The following ZNF486 variants were observed in gnomAD, a reference collection of about 807,000 sequenced individuals.
The protein encoded by ZNF486 is zinc finger protein 486.
A neutral mutation model predicts 12.8 loss-of-function variants in ZNF486; 12 were observed. That is an observed-to-expected ratio of 0.94 (90% CI 0.60 to 1.52). The LOEUF (loss-of-function observed/expected upper bound fraction) is 1.52. Ranked by LOEUF, ZNF486 falls within the 40% of genes most tolerant of loss-of-function variation. The pLI is 0.00. For synonymous variants in ZNF486, 231 were observed against 184.9 expected, an observed-to-expected ratio of 1.25 and a Z score of -2.02; for missense variants, 738 against 545.0, an observed-to-expected ratio of 1.35 and a Z score of -3.53.
At position 20,198,233 on chromosome 19, in the gene ZNF486, A is replaced by C; in HGVS notation, c.*131A>C. 1.3e-6 allele frequency: 1 copy of C among 741,052 alleles called. No individual in the cohort carries two copies. Among genetic ancestry groups the C allele is most frequent in the African/African-American group, 1.8e-5 (1 of 56,176 alleles). 45.9% of individuals were successfully genotyped at this position (741,052 alleles called of 1,614,324 possible). Reference sequence around the variant, plus strand: ...CTGGGTTCAAGTAACTCTCCTTAGTAGCTAGGATTACAGGGCTGCACCACC... The same window carrying C: ...CTGGGTTCAAGTAACTCTCCTTAGTCGCTAGGATTACAGGGCTGCACCACC... On this transcript the variant is annotated 3_prime_UTR_variant, in exon 4 of 4. Coordinates refer to ENST00000335117, the MANE Select transcript of ZNF486 (RefSeq NM_052852.4).
intron 3 of ZNF486, among the ~76,000 whole-genome samples, chr19:20,193,423 A>T (rs2089921865): frequency 1.3e-5 from 2 of 151,294 alleles, no homozygotes; most frequent in Admixed American, 1.3e-4. Context: ...GCACTTTGGG[A>T]GGCCGAGGTG....
intron 1 of ZNF486, among the ~76,000 whole-genome samples, chr19:20,170,048 G>T (rs1292582657): frequency 6.6e-6 from 1 of 151,466 alleles, no homozygotes; most frequent in Non-Finnish European, 1.5e-5. Context: ...CCGCCACCAC[G>T]CCCGGCTAAT....
chr19:20,182,023 T>C (rs2089793005), intron 1 of ZNF486, among the ~76,000 whole-genome samples: 1 of 152,228 alleles, frequency 6.6e-6, no homozygotes, highest in Non-Finnish European at 1.5e-5. Context: ...AGACTTACTC[T>C]GTCATTTCTG....
intron 2 of ZNF486, among the ~76,000 whole-genome samples, chr19:20,185,290 T>A (rs939199170): frequency 6.6e-6 from 1 of 152,118 alleles, no homozygotes; most frequent in Admixed American, 6.6e-5. Flanking sequence ...TTTCTCTATT[T>A]TATCAGATAG....
intron 1 of ZNF486, among the ~76,000 whole-genome samples, chr19:20,178,626 A>T (rs1202744796): frequency 6.6e-6 from 1 of 152,224 alleles, no homozygotes; most frequent in East Asian, 1.9e-4. Context: ...TGCCAACCAG[A>T]ATTTAGCAAG....
At chr19:20,187,086 A>G (rs568558483) in intron 3 of ZNF486, among the ~76,000 whole-genome samples, 2 of 151,922 alleles carry the variant, frequency 1.3e-5, no homozygotes, top group East Asian at 3.9e-4. Flanking sequence ...CCCGGCCCAT[A>G]GTTTTTTTAT....
rs376128447 is a variant in ZNF486, at chr19:20,176,607, G to A, written c.31-7749G>A. The A allele has an allele frequency of 5.3e-3, 884 of 166,530 alleles. 15 individuals carry two copies. The highest frequency in any genetic ancestry group is 0.019 in the African/African-American group (790 of 41,676). 10.3% of individuals were successfully genotyped at this position (166,530 alleles called of 1,614,324 possible). Reference sequence around the variant, plus strand: ...GGAGGCCGAGGCTGGCGGATCACTCGCGGTTAGGAGCTGGAGACCAGCCCG... The same window carrying A: ...GGAGGCCGAGGCTGGCGGATCACTCACGGTTAGGAGCTGGAGACCAGCCCG... On this transcript the variant is annotated intron_variant, in intron 1 of 3. Coordinates refer to ENST00000335117, the MANE Select transcript of ZNF486 (RefSeq NM_052852.4).
At chr19:20,179,194 G>A (rs1291114510) in intron 1 of ZNF486, among the ~76,000 whole-genome samples, 1 of 152,208 alleles carries the variant, frequency 6.6e-6, no homozygotes, top group Non-Finnish European at 1.5e-5. Context: ...ATTGGCACAA[G>A]TGACTATAAA....
At position 20,171,819 on chromosome 19, in the gene ZNF486, G is replaced by T. The variant is rs1568315921; in HGVS notation, c.30+4459G>T. On this transcript the variant is annotated intron_variant, in intron 1 of 3. Coordinates refer to ENST00000335117, the MANE Select transcript of ZNF486 (RefSeq NM_052852.4). ...TTGTGCAGATTATTTTGTCACTGAG[G>T]TACTACCCATAGCACCAAACAGGTG... Among the ~76,000 whole-genome samples the T allele has an allele frequency of 2.6e-5, 4 of 152,224 alleles. No individual in the cohort carries two copies. The East Asian group carries it at 7.7e-4, about 29-fold the overall frequency.
chr19:20,172,311 CT>C (rs34515323), intron 1 of ZNF486, among the ~76,000 whole-genome samples: 32 of 148,120 alleles, frequency 2.2e-4, no homozygotes, highest in South Asian at 4.3e-4. Context: ...CTTTTGCCTA[CT>C]TTTTTTTTTT....
At chr19:20,182,994 C>A (rs2089802917) in intron 1 of ZNF486, among the ~76,000 whole-genome samples, 1 of 152,128 alleles carries the variant, frequency 6.6e-6, no homozygotes, top group Non-Finnish European at 1.5e-5. Flanking sequence ...GTTTAGTACT[C>A]ACAAACCTTT....
rs1555718550 is a variant in ZNF486, at chr19:20,199,186, AAG to A, written c.*1087_*1088del. 1.3e-5 allele frequency: 2 copies of A among 152,200 alleles called. No individual in the cohort carries two copies. Among genetic ancestry groups the A allele is most frequent in the African/African-American group, 4.8e-5 (2 of 41,458 alleles). 9.4% of individuals were successfully genotyped at this position (152,200 alleles called of 1,614,324 possible). On this transcript the variant is annotated 3_prime_UTR_variant, in exon 4 of 4. Transcript: ENST00000335117. ...TTACTCAACAGAAGAAGGTTCATAA[AAG>A]AGCAATTACTGTGACAAAAATCTTT...
At position 20,197,224 on chromosome 19, in the gene ZNF486, C is replaced by G; in HGVS notation, c.514C>G (p.His172Asp). The G allele has an allele frequency of 6.2e-7, 1 of 1,612,746 alleles. No homozygotes were observed. The highest frequency in any genetic ancestry group is 8.5e-7 in the Non-Finnish European group (1 of 1,179,672). ...VFHQFSNSKRHKRRHTEKKPL... is the reference protein window; with the variant it reads ...VFHQFSNSKRDKRRHTEKKPL... ...TCATCAATTTTCAAATTCAAAGAGA[C>G]ATAAAAGAAGACATACTGAAAAAAA... Residue 172 changes from histidine (H) to aspartate (D), a missense_variant, in exon 4 of 4, where the codon CAT (histidine) becomes GAT (aspartate). Physicochemically the swap from His to Asp is moderately conservative, Grantham distance 81. Transcript: ENST00000335117.
chr19:20,195,919 A>G (rs1032321046), intron 3 of ZNF486, among the ~76,000 whole-genome samples: 15 of 152,256 alleles, frequency 9.9e-5, no homozygotes, highest in Admixed American at 3.3e-4. Context: ...GTCATGGGAC[A>G]CATTATCTGG....
At chr19:20,183,354 A>G (rs181988757) in intron 1 of ZNF486, among the ~76,000 whole-genome samples, 137 of 152,308 alleles carry the variant, frequency 9.0e-4, no homozygotes, top group African/African-American at 3.2e-3. Context: ...GCTTTTTTAT[A>G]TGGAATGGCA....
chr19:20,186,042 T>G lies in ZNF486; in HGVS notation c.213T>G (p.Pro71=), dbSNP rs369440656. ...LITCLEQGIK[P]LTMKRHEMIA... ...CCTGTCTGGAGCAAGGAATAAAACC[T>G]CTGACTATGAAGAGACATGAGATGA... is the stretch of plus-strand genomic sequence containing the variant. Residue 71 remains proline, a synonymous_variant, in exon 3 of 4, where the codon CCT becomes CCG. Coordinates refer to ENST00000335117, the MANE Select transcript of ZNF486 (RefSeq NM_052852.4). 1.6e-5 allele frequency: 25 copies of G among 1,594,366 alleles called. No homozygotes were observed. The African/African-American group carries it at 2.7e-4, about 17-fold the overall frequency.
In ZNF486 at chr19:20,184,449, A is replaced by G. The variant is rs781853386; in HGVS notation, c.124A>G (p.Met42Val). The G allele has an allele frequency of 1.7e-5, 27 of 1,613,380 alleles. No individual in the cohort carries two copies. Among genetic ancestry groups the G allele is most frequent in the Non-Finnish European group, 2.3e-5 (27 of 1,179,630 alleles). ...ACAGCAGAATTTATATAGGGATGTG[A>G]TGTTAGAGAACTACAGACACCTGGT... ...TAQQNLYRDV[M>V]LENYRHLVFL... Residue 42 changes from methionine to valine, a missense_variant, in exon 2 of 4, where the codon ATG becomes GTG. By Grantham distance (21) the Met-to-Val change is conservative (BLOSUM62 1). Transcript: ENST00000335117.
At chr19:20,168,801 C>G (rs1034365960) in intron 1 of ZNF486, among the ~76,000 whole-genome samples, 1 of 152,048 alleles carries the variant, frequency 6.6e-6, no homozygotes, top group Non-Finnish European at 1.5e-5. Context: ...CTAGTAATTC[C>G]AAGCTAAGGC....
chr19:20,179,330 C>T (rs1169091397), intron 1 of ZNF486, among the ~76,000 whole-genome samples: 10 of 152,112 alleles, frequency 6.6e-5, no homozygotes, highest in Admixed American at 5.9e-4. Context: ...CTGCATCAGC[C>T]CACTTTCTGT....
Sources: gnomAD v4.1 joint callset for allele counts (sites outside exome capture counted in the v4.1 genomes callset) on GRCh38, gnomAD v4.1.1 for gene constraint, MANE v1.5 for transcripts, NCBI Gene and HGNC (gene_info 2026-07-23, HGNC 2026-07-21) for gene names.